The following LRRC4C variants were observed in gnomAD, a reference collection of about 807,000 sequenced individuals.
The protein encoded by LRRC4C is leucine rich repeat containing 4C.
In LRRC4C, 5 loss-of-function variants were observed where a neutral mutation model predicts 33.6. That is an observed-to-expected ratio of 0.15 (90% CI 0.08 to 0.31). The LOEUF is 0.31. Ranked by LOEUF, LRRC4C falls within the 10% of genes least tolerant of loss-of-function variation. The pLI is 1.00. For missense variants in LRRC4C, 560 were observed against 796.7 expected (o/e 0.70, Z 3.58); for synonymous variants, 329 against 302.0 (o/e 1.09, Z -0.93).
chr11:40,429,396 T>A (rs532054895), intron 3 of LRRC4C, among the ~76,000 whole-genome samples: 9 of 152,286 alleles, frequency 5.9e-5, no homozygotes, highest in South Asian at 4.1e-4. Flanking sequence ...TAAACTCCTT[T>A]CACTTATTTA....
intron 3 of LRRC4C, among the ~76,000 whole-genome samples, chr11:40,419,327 T>C (rs572004904): frequency 6.6e-6 from 1 of 152,244 alleles, no homozygotes; most frequent in Non-Finnish European, 1.5e-5. Flanking sequence ...GTGAAAGATA[T>C]ACTCAACAAA....
intron 1 of LRRC4C, among the ~76,000 whole-genome samples, chr11:41,351,392 A>T (rs1951979742): frequency 6.6e-6 from 1 of 152,244 alleles, no homozygotes. Context: ...AGGGAAGCAG[A>T]TGAAGTAGAC....
intron 2 of LRRC4C, among the ~76,000 whole-genome samples, chr11:40,795,964 C>T (rs561263033): frequency 6.6e-6 from 1 of 152,244 alleles, no homozygotes; most frequent in South Asian, 2.1e-4. Context: ...AAAATGTGTT[C>T]TTAGCCCCAA....
chr11:40,499,079 T>C (rs1954613556), intron 3 of LRRC4C, among the ~76,000 whole-genome samples: 1 of 152,164 alleles, frequency 6.6e-6, no homozygotes, highest in Non-Finnish European at 1.5e-5. Flanking sequence ...AGTTAACAAG[T>C]ACCAGCCACA....
chr11:41,121,729 T>A (rs752523560), intron 1 of LRRC4C, among the ~76,000 whole-genome samples: 4 of 152,128 alleles, frequency 2.6e-5, no homozygotes, highest in Non-Finnish European at 4.4e-5. Context: ...ATAGGAGGAC[T>A]GTCCACATGC....
At chr11:40,714,837 C>T (rs917916167) in intron 2 of LRRC4C, among the ~76,000 whole-genome samples, 2 of 152,128 alleles carry the variant, frequency 1.3e-5, no homozygotes, top group Non-Finnish European at 2.9e-5. Flanking sequence ...AAATGTTAGA[C>T]TTTTCAATAG....
At chr11:41,004,657 T>C (rs1328545608) in intron 1 of LRRC4C, among the ~76,000 whole-genome samples, 2 of 152,204 alleles carry the variant, frequency 1.3e-5, no homozygotes, top group Non-Finnish European at 2.9e-5. Flanking sequence ...GTTGACTTAT[T>C]GTAGGTAAAC....
intron 1 of LRRC4C, among the ~76,000 whole-genome samples, chr11:41,449,359 G>C (rs561493831): frequency 6.6e-6 from 1 of 152,224 alleles, no homozygotes; most frequent in African/African-American, 2.4e-5. Flanking sequence ...TCAGGCGAGA[G>C]AATAATCTGA....
chr11:40,712,550 A>G lies in LRRC4C; in HGVS notation c.-406-64272T>C, dbSNP rs540500753. Among the ~76,000 whole-genome samples, 27 of 152,332 alleles carry G rather than the reference A, an allele frequency of 1.8e-4. No homozygotes were observed. The South Asian group carries it at 3.7e-3, about 21-fold the overall frequency. ...TAAAAAGCTATTTCTAGAAAAACTT[A>G]CAAATAGACAATATTTACAAGAATG... On this transcript the variant is annotated intron_variant, in intron 2 of 6. Transcript: ENST00000528697.
chr11:40,476,828 T>A (rs930055292), intron 3 of LRRC4C, among the ~76,000 whole-genome samples: 5 of 152,212 alleles, frequency 3.3e-5, no homozygotes, highest in Non-Finnish European at 5.9e-5. Context: ...AAACATTTTT[T>A]AAAAAGGAGG....
chr11:40,714,603 G>C lies in LRRC4C; in HGVS notation c.-406-66325C>G, dbSNP rs115301554. ...TGCTAATCCTCAAGTATTTGTAGAA[G>C]AGCAAATAATCAAGAATGACCAACT... On this transcript the variant is annotated intron_variant, in intron 2 of 6. Coordinates refer to ENST00000528697, the MANE Select transcript of LRRC4C (RefSeq NM_001258419.2). Among the ~76,000 whole-genome samples the C allele has an allele frequency of 9.6e-4, 146 of 152,254 alleles. 1 individual carries two copies. Among genetic ancestry groups the C allele is most frequent in the African/African-American group, 3.4e-3 (142 of 41,584 alleles).
chr11:40,634,898 G>T (rs1270576679), intron 3 of LRRC4C, among the ~76,000 whole-genome samples: 1 of 149,498 alleles, frequency 6.7e-6, no homozygotes, highest in Non-Finnish European at 1.5e-5. Context: ...TGTGAAAAAA[G>T]AAAAAAGGAA....
intron 5 of LRRC4C, among the ~76,000 whole-genome samples, chr11:40,240,106 C>T (rs369309454): frequency 2.0e-5 from 3 of 152,126 alleles, no homozygotes; most frequent in Non-Finnish European, 4.4e-5. Flanking sequence ...TGCTTCCTGG[C>T]AGTCTCTTTG....
At chr11:41,038,872 C>T (rs1410814631) in intron 1 of LRRC4C, among the ~76,000 whole-genome samples, 1 of 152,114 alleles carries the variant, frequency 6.6e-6, no homozygotes, top group Non-Finnish European at 1.5e-5. Flanking sequence ...GAGAAGGTCA[C>T]TCTCAACTTC....
At chr11:41,428,076 T>G (rs930213667) in intron 1 of LRRC4C, among the ~76,000 whole-genome samples, 4 of 152,188 alleles carry the variant, frequency 2.6e-5, no homozygotes, top group African/African-American at 9.6e-5. Flanking sequence ...ACAGCCTTGC[T>G]GCTCACACAA....
intron 1 of LRRC4C, among the ~76,000 whole-genome samples, chr11:41,227,748 T>C (rs1010777741): frequency 2.6e-5 from 4 of 152,130 alleles, no homozygotes; most frequent in Non-Finnish European, 5.9e-5. Flanking sequence ...CCTTCCCAAT[T>C]TTTCTACCTT....
intron 2 of LRRC4C, among the ~76,000 whole-genome samples, chr11:40,717,742 G>A (rs77603593): frequency 0.15 from 22,199 of 152,020 alleles, 1,699 homozygotes; most frequent in South Asian, 0.18. Context: ...ATGAGGCTCC[G>A]ATCAGGCACA....
At chr11:40,988,131 T>C (rs1423411102) in intron 1 of LRRC4C, among the ~76,000 whole-genome samples, 4 of 152,108 alleles carry the variant, frequency 2.6e-5, no homozygotes, top group Admixed American at 2.6e-4. Context: ...GAGTAAAGCA[T>C]TTTTTAAAAG....
rs541334319 is a variant in LRRC4C, at chr11:40,892,757, T to C, written c.-407+40878A>G. Among the ~76,000 whole-genome samples, 3 of 152,284 alleles carry C rather than the reference T, an allele frequency of 2.0e-5. No individual in the cohort carries two copies. In the South Asian group the frequency reaches 6.2e-4, roughly 32 times the overall value. On this transcript the variant is annotated intron_variant, in intron 2 of 6. Coordinates refer to ENST00000528697, the MANE Select transcript of LRRC4C (RefSeq NM_001258419.2). ...TAGGAAAATATGTAAAGACAGAAAGTAGAATACAGGTTACCAGCGGCTGGG... is the reference window on the plus strand; with the variant it reads ...TAGGAAAATATGTAAAGACAGAAAGCAGAATACAGGTTACCAGCGGCTGGG...
Sources: gnomAD v4.1 joint callset for allele counts (sites outside exome capture counted in the v4.1 genomes callset) on GRCh38, gnomAD v4.1.1 for gene constraint, MANE v1.5 for transcripts, NCBI Gene and HGNC (gene_info 2026-07-23, HGNC 2026-07-21) for gene names.